CNTNAP5: variants seen among roughly 807,000 people sequenced by gnomAD.
CNTNAP5 encodes the protein contactin-associated protein-like 5.
Under a neutral mutation model 150.2 loss-of-function variants are expected in CNTNAP5, and 72 were observed. That is an observed-to-expected ratio of 0.48 (90% CI 0.40 to 0.58). The LOEUF is 0.58. Among genes scored for constraint, CNTNAP5 ranks in the 20% least tolerant of loss-of-function variants. The pLI, the probability that CNTNAP5 is intolerant of heterozygous loss-of-function variation, is 0.00. For synonymous variants in CNTNAP5, 672 were observed against 619.8 expected (o/e 1.08, Z -1.25); for missense variants, 1,636 against 1,626.2 (o/e 1.01, Z -0.10).
intron 1 of CNTNAP5, among the ~76,000 whole-genome samples, chr2:124,176,032 T>G (rs1685055428): frequency 6.6e-6 from 1 of 152,226 alleles, no homozygotes; most frequent in South Asian, 2.1e-4. Context: ...CACACTAGTT[T>G]GGTAGTCCTT....
chr2:124,214,030 G>A (rs1043660269), intron 1 of CNTNAP5, among the ~76,000 whole-genome samples: 3 of 152,084 alleles, frequency 2.0e-5, no homozygotes, highest in Non-Finnish European at 4.4e-5. Flanking sequence ...TTTGACCTTG[G>A]TTCAAAGCCC....
chr2:124,504,609 G>A (rs964117648), intron 8 of CNTNAP5, 53 bp downstream of exon 8: 3 of 1,571,918 alleles, frequency 1.9e-6, no homozygotes, highest in East Asian at 2.3e-5. Context: ...AGTCGACAAA[G>A]GTTGAGGTCC....
chr2:124,027,028 C>A (rs1020354533), intron 1 of CNTNAP5, among the ~76,000 whole-genome samples: 1 of 152,168 alleles, frequency 6.6e-6, no homozygotes, highest in African/African-American at 2.4e-5. Flanking sequence ...AGTCATAATG[C>A]CTTATACCGA....
intron 11 of CNTNAP5, among the ~76,000 whole-genome samples, chr2:124,583,946 C>A (rs1298070078): frequency 1.3e-5 from 2 of 152,126 alleles, no homozygotes; most frequent in East Asian, 1.9e-4. Flanking sequence ...CCCAGCATGT[C>A]CTCATGGGTT....
At chr2:124,068,852 GT>G (rs1682230097) in intron 1 of CNTNAP5, among the ~76,000 whole-genome samples, 1 of 151,890 alleles carries the variant, frequency 6.6e-6, no homozygotes, top group South Asian at 2.1e-4. Flanking sequence ...TAGATATACC[GT>G]AGGCCAGAAA....
intron 3 of CNTNAP5, among the ~76,000 whole-genome samples, chr2:124,385,555 T>C (rs1048384942): frequency 2.0e-5 from 3 of 152,238 alleles, no homozygotes; most frequent in Admixed American, 1.3e-4. Flanking sequence ...TCCTTTTTTA[T>C]AACTCTATCT....
intron 3 of CNTNAP5, among the ~76,000 whole-genome samples, chr2:124,306,837 C>T (rs376470971): frequency 6.7e-6 from 1 of 149,094 alleles, no homozygotes; most frequent in African/African-American, 2.5e-5. Flanking sequence ...CAATGATTCT[C>T]CTGCCTCAGC....
rs771166241 is a variant in CNTNAP5, at chr2:124,114,488, C to T, written c.82+88756C>T. On this transcript the variant is annotated intron_variant, in intron 1 of 23. Coordinates refer to ENST00000682447, the MANE Select transcript of CNTNAP5 (RefSeq NM_001367498.1). ...AATTGACCTTGATTCATCAGCCTTG[C>T]TAACCTCATGAATCCTAATAATTTA... Among the ~76,000 whole-genome samples, 199 of 152,022 alleles carry T rather than the reference C, an allele frequency of 1.3e-3. 1 individual carries two copies. The highest frequency in any genetic ancestry group is 3.4e-3 in the Middle Eastern group (1 of 294).
intron 3 of CNTNAP5, among the ~76,000 whole-genome samples, chr2:124,314,132 C>T (rs1378801082): frequency 2.6e-5 from 4 of 152,126 alleles, no homozygotes; most frequent in Non-Finnish European, 5.9e-5. Context: ...AGGAATAATG[C>T]GATAATGATG....
rs374300289 is a variant in CNTNAP5, at chr2:124,647,774, A to G, written c.1893A>G (p.Thr631=). The G allele has an allele frequency of 3.1e-6, 5 of 1,600,562 alleles. No individual in the cohort carries two copies. The African/African-American group carries it at 4.0e-5, about 13-fold the overall frequency. ...YCNITEDKIW[T]SVQHNNTELT... The stretch of plus-strand genomic sequence containing the variant: ...TCTGGGCAGAGGACAAGATCTGGAC[A>G]TCAGTGCAGCACAACAATACAGAGC... Residue 631 remains threonine (T), a synonymous_variant, in exon 13 of 24, where the codon ACA becomes ACG. Transcript: ENST00000682447.
intron 3 of CNTNAP5, among the ~76,000 whole-genome samples, chr2:124,295,142 A>G (rs1249023172): frequency 6.6e-6 from 1 of 151,836 alleles, no homozygotes; most frequent in Non-Finnish European, 1.5e-5. Flanking sequence ...ACAAACAAAC[A>G]AACAAACAAA....
chr2:124,401,707 G>A (rs945213581), intron 3 of CNTNAP5, among the ~76,000 whole-genome samples: 1 of 152,196 alleles, frequency 6.6e-6, no homozygotes, highest in Non-Finnish European at 1.5e-5. Context: ...GAGATTTAAT[G>A]CAAATAATTC....
chr2:124,105,813 G>C (rs985674208), intron 1 of CNTNAP5, among the ~76,000 whole-genome samples: 4 of 151,838 alleles, frequency 2.6e-5, no homozygotes, highest in African/African-American at 9.7e-5. Flanking sequence ...ACCAGATAAT[G>C]TTGTCTGCAT....
chr2:124,457,180 C>T (rs1452417326), intron 6 of CNTNAP5, among the ~76,000 whole-genome samples: 2 of 151,560 alleles, frequency 1.3e-5, no homozygotes, highest in African/African-American at 4.9e-5. Context: ...TTGTCACATC[C>T]AATGACTATA....
intron 3 of CNTNAP5, among the ~76,000 whole-genome samples, chr2:124,266,602 C>T (rs568675567): frequency 6.6e-6 from 1 of 152,272 alleles, no homozygotes; most frequent in South Asian, 2.1e-4. Context: ...CTCAGCCTCC[C>T]ATGCAGGAGG....
intron 14 of CNTNAP5, among the ~76,000 whole-genome samples, chr2:124,747,788 CTTTTTTTTTTTT>C (rs34959025): frequency 7.1e-5 from 3 of 42,438 alleles, no homozygotes; most frequent in African/African-American, 9.2e-5. Flanking sequence ...CCTAACTCTT[CTTTTTTTTTTTT>C]TTTTTTTTTT....
chr2:124,194,400 TATATATATATAA>T (rs1380380126), intron 1 of CNTNAP5, among the ~76,000 whole-genome samples: 1,197 of 10,874 alleles, frequency 0.11, 22 homozygotes, highest in Middle Eastern at 0.25. Context: ...TATATATATA[TATATATATATAA>T]ATATAAATAG....
At chr2:124,121,510 T>C (rs1231257840) in intron 1 of CNTNAP5, among the ~76,000 whole-genome samples, 1 of 152,204 alleles carries the variant, frequency 6.6e-6, no homozygotes, top group Non-Finnish European at 1.5e-5. Flanking sequence ...ATGATTGGTG[T>C]GTCTGCACAG....
At chr2:124,239,309 TTATCA>T (rs1227410737) in intron 2 of CNTNAP5, among the ~76,000 whole-genome samples, 3 of 152,178 alleles carry the variant, frequency 2.0e-5, no homozygotes, top group Non-Finnish European at 4.4e-5. Context: ...ATGTAAGTTC[TTATCA>T]TATGCTAATT....
Sources: allele counts gnomAD v4.1 joint callset (sites outside exome capture counted in the v4.1 genomes callset), GRCh38; gene constraint gnomAD v4.1.1; transcripts MANE v1.5; gene names NCBI Gene and HGNC (gene_info 2026-07-23, HGNC 2026-07-21).